Variants in CDC73 observed in about 807,000 individuals in gnomAD.
CDC73 encodes the protein parafibromin.
A neutral mutation model predicts 83.7 loss-of-function variants in CDC73; 21 were observed. That is an observed-to-expected ratio of 0.25 (90% CI 0.18 to 0.36). The LOEUF is 0.36. Among genes scored for constraint, CDC73 ranks in the 10% least tolerant of loss-of-function variants. The pLI is 1.00. For missense variants in CDC73, 342 were observed against 653.3 expected (o/e 0.52, Z 5.19); for synonymous variants, 224 against 212.9 (o/e 1.05, Z -0.45).
At chr1:193,150,913 G>A (rs1330415508) in intron 9 of CDC73, among the ~76,000 whole-genome samples, 1 of 152,120 alleles carries the variant, frequency 6.6e-6, no homozygotes. Flanking sequence ...AATGTTTGCT[G>A]TTATTCATAC....
At chr1:193,192,578 G>A (rs755825844) in intron 10 of CDC73, among the ~76,000 whole-genome samples, 3 of 152,164 alleles carry the variant, frequency 2.0e-5, no homozygotes, top group Non-Finnish European at 4.4e-5. Context: ...GATTGGTTAT[G>A]GCCCGATTAG....
At chr1:193,192,279 C>G (rs1242740305) in intron 10 of CDC73, among the ~76,000 whole-genome samples, 2 of 152,068 alleles carry the variant, frequency 1.3e-5, no homozygotes, top group African/African-American at 4.8e-5. Context: ...CCCATCTCTA[C>G]TAAAAATACA....
chr1:193,122,368 G>T (rs1187909203), intron 1 of CDC73, 37 bp downstream of exon 1: 5 of 1,613,480 alleles, frequency 3.1e-6, no homozygotes, highest in South Asian at 1.1e-5. Flanking sequence ...GGGTGGCAGG[G>T]CAGAGTTGGG....
intron 10 of CDC73, among the ~76,000 whole-genome samples, chr1:193,177,669 T>C (rs1299444246): frequency 6.6e-6 from 1 of 152,208 alleles, no homozygotes; most frequent in African/African-American, 2.4e-5. Context: ...AGATCATGTA[T>C]GTAAAGTGCT....
intron 14 of CDC73, among the ~76,000 whole-genome samples, chr1:193,234,567 G>A (rs1677726128): frequency 6.6e-6 from 1 of 151,650 alleles, no homozygotes; most frequent in African/African-American, 2.4e-5. Context: ...ATTAGTTAGG[G>A]TCTCCAGCCA....
At chr1:193,247,564 C>G (rs1052658597) in intron 15 of CDC73, among the ~76,000 whole-genome samples, 1 of 152,086 alleles carries the variant, frequency 6.6e-6, no homozygotes, top group Non-Finnish European at 1.5e-5. Flanking sequence ...ATGTCAAAAG[C>G]TGAGACAGGC....
intron 13 of CDC73, among the ~76,000 whole-genome samples, chr1:193,220,668 A>T (rs976976101): frequency 6.6e-6 from 1 of 152,110 alleles, no homozygotes; most frequent in African/African-American, 2.4e-5. Context: ...TTTTTAAAAA[A>T]TTTTTAGTAC....
At chr1:193,134,532 G>C (rs958622275) in intron 3 of CDC73, among the ~76,000 whole-genome samples, 2 of 152,130 alleles carry the variant, frequency 1.3e-5, no homozygotes, top group Non-Finnish European at 2.9e-5. Context: ...TTAGCCGGGC[G>C]TGGTGGCATG....
intron 10 of CDC73, among the ~76,000 whole-genome samples, chr1:193,168,479 C>T (rs1449542593): frequency 6.6e-6 from 1 of 151,032 alleles, no homozygotes; most frequent in Non-Finnish European, 1.5e-5. Flanking sequence ...GCAGTGCTAA[C>T]TAAACCTGAG....
At chr1:193,209,022 T>C (rs1216961911) in intron 11 of CDC73, among the ~76,000 whole-genome samples, 1 of 152,248 alleles carries the variant, frequency 6.6e-6, no homozygotes, top group Non-Finnish European at 1.5e-5. Flanking sequence ...TCCAATTAGA[T>C]TATGTGTTTG....
chr1:193,244,071 A>G (rs954824630), intron 15 of CDC73, among the ~76,000 whole-genome samples: 1 of 152,238 alleles, frequency 6.6e-6, no homozygotes, highest in Non-Finnish European at 1.5e-5. Flanking sequence ...ATTGGGGGGA[A>G]AAAGCTTAAC....
At chr1:193,177,031 C>A (rs925399035) in intron 10 of CDC73, among the ~76,000 whole-genome samples, 1 of 152,108 alleles carries the variant, frequency 6.6e-6, no homozygotes, top group African/African-American at 2.4e-5. Flanking sequence ...GATATACTCT[C>A]TTTTCTCTTG....
chr1:193,217,782 G>T (rs1677395705), intron 13 of CDC73, among the ~76,000 whole-genome samples: 1 of 152,072 alleles, frequency 6.6e-6, no homozygotes, highest in Non-Finnish European at 1.5e-5. Flanking sequence ...GGTTCATGAG[G>T]GTGGAGCCCT....
At chr1:193,240,121 T>TA (rs1677833430) in intron 15 of CDC73, among the ~76,000 whole-genome samples, 2 of 152,312 alleles carry the variant, frequency 1.3e-5, no homozygotes, top group South Asian at 4.1e-4. Flanking sequence ...AAATTTGTCT[T>TA]TCTGTGCCTG....
intron 10 of CDC73, among the ~76,000 whole-genome samples, chr1:193,166,878 A>G (rs924744042): frequency 6.6e-6 from 1 of 152,016 alleles, no homozygotes; most frequent in Non-Finnish European, 1.5e-5. Context: ...ATTTTTAATG[A>G]CAAGTACAAT....
At chr1:193,249,967 C>T (rs1221674961) in intron 16 of CDC73, 96 bp downstream of exon 16, 3 of 1,122,004 alleles carry the variant, frequency 2.7e-6, no homozygotes, top group East Asian at 4.7e-5. Context: ...GTCTTATTCC[C>T]TAATTCCCTT....
At chr1:193,218,821 A>G (rs137992860) in intron 13 of CDC73, among the ~76,000 whole-genome samples, 1 of 152,366 alleles carries the variant, frequency 6.6e-6, no homozygotes, top group East Asian at 1.9e-4. Flanking sequence ...GGAAAAAAAC[A>G]GGGCATGCCA....
intron 13 of CDC73, among the ~76,000 whole-genome samples, chr1:193,222,047 AAAT>A (rs941420349): frequency 2.6e-5 from 4 of 152,238 alleles, no homozygotes; most frequent in Non-Finnish European, 4.4e-5. Context: ...AAACAAAAAA[AAAT>A]AATAAAACCC....
At chr1:193,124,867 A>G (rs1675535844) in intron 1 of CDC73, among the ~76,000 whole-genome samples, 1 of 152,196 alleles carries the variant, frequency 6.6e-6, no homozygotes, top group African/African-American at 2.4e-5. Context: ...GCCTAATTCT[A>G]AAAAGTTTGT....
Sources: gnomAD v4.1 joint callset for allele counts (sites outside exome capture counted in the v4.1 genomes callset) on GRCh38, gnomAD v4.1.1 for gene constraint, MANE v1.5 for transcripts, NCBI Gene and HGNC (gene_info 2026-07-23, HGNC 2026-07-21) for gene names.